CNTNAP4: variants seen among roughly 807,000 people sequenced by gnomAD.
The protein encoded by CNTNAP4 is contactin-associated protein-like 4.
Under a neutral mutation model 148.4 loss-of-function variants are expected in CNTNAP4, and 98 were observed. The ratio of observed to expected loss-of-function variants is 0.66; its 90% CI spans 0.56 to 0.78. The LOEUF is 0.78. Ranked by LOEUF, CNTNAP4 falls within the 30% of genes least tolerant of loss-of-function variation. The pLI is 0.00. For synonymous variants in CNTNAP4, 730 were observed against 565.1 expected (o/e 1.29, Z -4.14); for missense variants, 1,935 against 1,565.6 (o/e 1.24, Z -3.98).
At chr16:76,552,247 A>G (rs1410254393) in intron 21 of CNTNAP4, among the ~76,000 whole-genome samples, 8 of 152,104 alleles carry the variant, frequency 5.3e-5, no homozygotes, top group Non-Finnish European at 1.0e-4. Context: ...CCACGATCCA[A>G]TCACCTCCCA....
chr16:76,323,582 T>C (rs1962656994), intron 2 of CNTNAP4, among the ~76,000 whole-genome samples: 1 of 152,220 alleles, frequency 6.6e-6, no homozygotes, highest in Non-Finnish European at 1.5e-5. Context: ...ATCACTTCTA[T>C]TTTTGTGTCG....
At position 76,428,061 on chromosome 16, in the gene CNTNAP4, G is replaced by A. The variant is rs1397995438; in HGVS notation, c.538+462G>A. 3.3e-5 allele frequency among the ~76,000 whole-genome samples: 5 copies of A among 152,056 alleles called. No individual in the cohort carries two copies. The South Asian group carries it at 8.3e-4, about 25-fold the overall frequency. ...TATCATGCAATTCACCTTTAAATGT[G>A]CTATGCTGTCAGTATAAATTAATAG... On this transcript the variant is annotated intron_variant, in intron 4 of 23. Transcript: ENST00000611870.
At chr16:76,499,844 C>T (rs1356529789) in intron 15 of CNTNAP4, among the ~76,000 whole-genome samples, 1 of 147,098 alleles carries the variant, frequency 6.8e-6, no homozygotes, top group African/African-American at 2.5e-5. Context: ...TTAGTGGACA[C>T]AGCACATGTT....
chr16:76,372,545 C>T (rs749238531), intron 3 of CNTNAP4, among the ~76,000 whole-genome samples: 51 of 152,064 alleles, frequency 3.4e-4, no homozygotes, highest in Non-Finnish European at 5.9e-4. Context: ...TGGGCAGTTT[C>T]CCCCATACTG....
At chr16:76,353,790 A>G (rs1597293081) in intron 2 of CNTNAP4, among the ~76,000 whole-genome samples, 1 of 152,164 alleles carries the variant, frequency 6.6e-6, no homozygotes, top group African/African-American at 2.4e-5. Context: ...TCTGCCCTTC[A>G]TCTATCAGAG....
intron 3 of CNTNAP4, among the ~76,000 whole-genome samples, chr16:76,397,518 C>T (rs979447366): frequency 8.6e-5 from 13 of 151,868 alleles, no homozygotes; most frequent in African/African-American, 2.7e-4. Flanking sequence ...ATCAGATACG[C>T]AGTGGGTGGG....
intron 1 of CNTNAP4, among the ~76,000 whole-genome samples, chr16:76,293,819 C>G (rs1597101744): frequency 7.3e-6 from 1 of 137,352 alleles, no homozygotes; most frequent in Non-Finnish European, 1.5e-5. Flanking sequence ...GAACAAGCTG[C>G]TTTTTTTTTT....
At chr16:76,531,076 T>G (rs1406446455) in intron 17 of CNTNAP4, among the ~76,000 whole-genome samples, 2 of 152,176 alleles carry the variant, frequency 1.3e-5, no homozygotes, top group Admixed American at 1.3e-4. Flanking sequence ...GCCAGGCAAA[T>G]CTCTATAGCT....
intron 17 of CNTNAP4, among the ~76,000 whole-genome samples, chr16:76,523,818 G>C (rs1285883498): frequency 6.6e-6 from 1 of 152,050 alleles, no homozygotes; most frequent in African/African-American, 2.4e-5. Context: ...TGTAATCCCA[G>C]CGTTCAAGAA....
intron 9 of CNTNAP4, among the ~76,000 whole-genome samples, chr16:76,463,938 G>T (rs2081080349): frequency 6.6e-6 from 1 of 151,824 alleles, no homozygotes; most frequent in Non-Finnish European, 1.5e-5. Flanking sequence ...GTTTACTTAG[G>T]TATCTCTGTT....
intron 3 of CNTNAP4, among the ~76,000 whole-genome samples, chr16:76,418,009 G>GC (rs1360548377): frequency 6.6e-6 from 1 of 151,604 alleles, no homozygotes; most frequent in Non-Finnish European, 1.5e-5. Flanking sequence ...ACCTTTCGAT[G>GC]CCCTCTGCTT....
intron 1 of CNTNAP4, among the ~76,000 whole-genome samples, chr16:76,281,484 G>A (rs1958686453): frequency 6.6e-6 from 1 of 151,950 alleles, no homozygotes; most frequent in Non-Finnish European, 1.5e-5. Context: ...CGTGACTCAT[G>A]GGCCAACATG....
chr16:76,376,156 C>G (rs2015391721), intron 3 of CNTNAP4, among the ~76,000 whole-genome samples: 1 of 151,888 alleles, frequency 6.6e-6, no homozygotes. Context: ...TAAAGAAAAG[C>G]AAGCAAGGAA....
At chr16:76,501,358 G>T (rs372064258) in intron 15 of CNTNAP4, among the ~76,000 whole-genome samples, 8 of 152,248 alleles carry the variant, frequency 5.3e-5, no homozygotes, top group African/African-American at 1.7e-4. Context: ...ACCCAGGCTG[G>T]CTTCCTCTGC....
chr16:76,451,515 A>G (rs111762794), intron 7 of CNTNAP4, among the ~76,000 whole-genome samples: 2,426 of 152,192 alleles, frequency 0.016, 69 homozygotes, highest in African/African-American at 0.054. Context: ...TATTTATATG[A>G]CCACAACAGC....
chr16:76,350,841 A>G (rs1965307724), intron 2 of CNTNAP4, among the ~76,000 whole-genome samples: 1 of 152,188 alleles, frequency 6.6e-6, no homozygotes, highest in African/African-American at 2.4e-5. Context: ...TGTAATATGA[A>G]AAGTTAAGAC....
At chr16:76,279,104 G>A (rs973665565) in intron 1 of CNTNAP4, among the ~76,000 whole-genome samples, 2 of 152,108 alleles carry the variant, frequency 1.3e-5, no homozygotes, top group African/African-American at 2.4e-5. Context: ...CATCATACAA[G>A]CAAACAATAA....
At chr16:76,395,672 T>C (rs755934635) in intron 3 of CNTNAP4, among the ~76,000 whole-genome samples, 17 of 152,266 alleles carry the variant, frequency 1.1e-4, no homozygotes, top group Admixed American at 3.3e-4. Flanking sequence ...GCAGTTCTAT[T>C]TTGGTCACAC....
intron 2 of CNTNAP4, among the ~76,000 whole-genome samples, chr16:76,322,997 C>G (rs6564322): frequency 0.34 from 51,998 of 151,548 alleles, 9,478 homozygotes; most frequent in African/African-American, 0.41. Flanking sequence ...ACCACACCCA[C>G]CTAATTTTTT....
Sources: allele counts gnomAD v4.1 joint callset (sites outside exome capture counted in the v4.1 genomes callset), GRCh38; gene constraint gnomAD v4.1.1; transcripts MANE v1.5; gene names NCBI Gene and HGNC (gene_info 2026-07-23, HGNC 2026-07-21).